Variants in NARS2 observed in about 807,000 individuals in gnomAD.
NARS2 encodes the protein asparaginyl-tRNA synthetase.
Under a neutral mutation model 62.9 loss-of-function variants are expected in NARS2, and 60 were observed. That is an observed-to-expected ratio of 0.95 (90% confidence interval 0.77 to 1.18). The LOEUF (loss-of-function observed/expected upper bound fraction) is 1.18, where lower values mean the gene tolerates loss of function less well. Ranked by LOEUF, NARS2 falls within the 50% of genes most tolerant of loss-of-function variation. The probability of loss-of-function intolerance (pLI) is 0.00; values close to 1 mark genes in which losing one functional copy is unlikely to be tolerated. For missense variants in NARS2, 619 were observed against 576.4 expected, an observed-to-expected ratio of 1.07 and a Z score of -0.76; for synonymous variants, 196 against 200.0, an observed-to-expected ratio of 0.98 and a Z score of 0.17.
At chr11:78,468,030 G>A (rs78390692) in intron 10 of NARS2, among the ~76,000 whole-genome samples, 1,620 of 135,558 alleles carry the variant, frequency 0.012, 21 homozygotes, top group African/African-American at 0.043. Flanking sequence ...TGTTTATCAA[G>A]TAAGTATTGA....
intron 3 of NARS2, among the ~76,000 whole-genome samples, chr11:78,566,693 A>G (rs111968221): frequency 0.015 from 2,291 of 152,312 alleles, 49 homozygotes; most frequent in African/African-American, 0.044. Context: ...AAAATTACCT[A>G]TATGTCTTGA....
intron 7 of NARS2, among the ~76,000 whole-genome samples, chr11:78,485,014 G>A (rs1031230902): frequency 1.3e-5 from 2 of 151,988 alleles, no homozygotes; most frequent in African/African-American, 4.8e-5. Flanking sequence ...TGGATACTGT[G>A]ATAGACTGGA....
At chr11:78,441,725 A>G in intron 12 of NARS2, among the ~76,000 whole-genome samples, 1 of 151,380 alleles carries the variant, frequency 6.6e-6, no homozygotes, top group Admixed American at 6.6e-5. Flanking sequence ...AAAAAAAAAG[A>G]AAAGAAAAGC....
chr11:78,483,699 T>G (rs1859452933), intron 7 of NARS2, among the ~76,000 whole-genome samples: 1 of 152,116 alleles, frequency 6.6e-6, no homozygotes, highest in Admixed American at 6.5e-5. Context: ...GAAGGACCTC[T>G]TCAAGGAGAA....
intron 11 of NARS2, among the ~76,000 whole-genome samples, chr11:78,445,009 T>G (rs1467415522): frequency 1.3e-5 from 2 of 152,174 alleles, no homozygotes; most frequent in African/African-American, 4.8e-5. Context: ...ACAGCATTAC[T>G]TATGACAAAA....
intron 5 of NARS2, among the ~76,000 whole-genome samples, chr11:78,543,532 A>G (rs766167836): frequency 6.6e-6 from 1 of 152,204 alleles, no homozygotes; most frequent in Non-Finnish European, 1.5e-5. Flanking sequence ...AAGAAACGCT[A>G]CTTTTCTACT....
chr11:78,548,330 T>G (rs1445234006), intron 5 of NARS2, among the ~76,000 whole-genome samples: 1 of 152,244 alleles, frequency 6.6e-6, no homozygotes, highest in African/African-American at 2.4e-5. Flanking sequence ...AGGTTTGACC[T>G]GGGTTAGCCC....
intron 5 of NARS2, among the ~76,000 whole-genome samples, chr11:78,538,920 G>A (rs1233618652): frequency 7.0e-6 from 1 of 142,954 alleles, no homozygotes; most frequent in African/African-American, 2.6e-5. Flanking sequence ...GCGTGAACCT[G>A]GGAGGCGGAG....
At chr11:78,516,916 G>A (rs1312455283) in intron 6 of NARS2, among the ~76,000 whole-genome samples, 1 of 152,052 alleles carries the variant, frequency 6.6e-6, no homozygotes, top group African/African-American at 2.4e-5. Flanking sequence ...TACAAAATAG[G>A]CACAAAGCAA....
intron 7 of NARS2, among the ~76,000 whole-genome samples, chr11:78,486,675 A>T (rs910744242): frequency 6.6e-6 from 1 of 152,228 alleles, no homozygotes; most frequent in Non-Finnish European, 1.5e-5. Context: ...CCAGAGTGTC[A>T]GAACACAACA....
intron 9 of NARS2, among the ~76,000 whole-genome samples, chr11:78,476,501 C>T (rs144184646): frequency 1.3e-5 from 2 of 152,344 alleles, no homozygotes; most frequent in East Asian, 3.9e-4. Context: ...TCCTACCCTT[C>T]TAATGCACTT....
chr11:78,542,835 G>A (rs541878459), intron 5 of NARS2, among the ~76,000 whole-genome samples: 1 of 152,258 alleles, frequency 6.6e-6, no homozygotes, highest in African/African-American at 2.4e-5. Context: ...GGAGGTCAAG[G>A]CTGCAGACAG....
chr11:78,534,256 A>C (rs543300168), intron 5 of NARS2, among the ~76,000 whole-genome samples: 43 of 152,328 alleles, frequency 2.8e-4, no homozygotes, highest in Non-Finnish European at 5.9e-5. Context: ...GTGGCTGTTA[A>C]ATCTGCTGCT....
intron 9 of NARS2, among the ~76,000 whole-genome samples, chr11:78,475,580 CTTTT>C (rs377023107): frequency 2.3e-4 from 22 of 93,982 alleles, no homozygotes; most frequent in African/African-American, 8.8e-4. Flanking sequence ...TATCATTTGA[CTTTT>C]TTTTTTTTTT....
chr11:78,477,033 A>T (rs575493207), intron 9 of NARS2, among the ~76,000 whole-genome samples: 1 of 152,196 alleles, frequency 6.6e-6, no homozygotes, highest in African/African-American at 2.4e-5. Flanking sequence ...TGAGCTACTG[A>T]TGTATGTAAA....
intron 1 of NARS2, among the ~76,000 whole-genome samples, chr11:78,572,055 G>A (rs139091936): frequency 1.3e-3 from 197 of 152,182 alleles, no homozygotes; most frequent in African/African-American, 4.5e-3. Context: ...GTTGGCGCTC[G>A]TTTGTAGTCC....
At chr11:78,462,033 G>A (rs1044175680) in intron 11 of NARS2, among the ~76,000 whole-genome samples, 3 of 152,150 alleles carry the variant, frequency 2.0e-5, no homozygotes, top group Non-Finnish European at 4.4e-5. Context: ...TCGCTAATTC[G>A]CAACAAAAAT....
chr11:78,561,835 G>C (rs1590867853), intron 4 of NARS2, among the ~76,000 whole-genome samples: 1 of 152,126 alleles, frequency 6.6e-6, no homozygotes, highest in South Asian at 2.1e-4. Context: ...TGAGGCGGGT[G>C]AATCACCTGA....
intron 5 of NARS2, among the ~76,000 whole-genome samples, chr11:78,531,098 G>C (rs1475334585): frequency 2.6e-5 from 4 of 151,942 alleles, no homozygotes; most frequent in Admixed American, 2.6e-4. Context: ...AGGATAGGTA[G>C]CTCCAAAGGA....
Sources: gnomAD v4.1 joint callset for allele counts (sites outside exome capture counted in the v4.1 genomes callset) on GRCh38, gnomAD v4.1.1 for gene constraint, MANE v1.5 for transcripts, NCBI Gene and HGNC (gene_info 2026-07-23, HGNC 2026-07-21) for gene names.